LAPTM4B: variants seen among roughly 807,000 people sequenced by gnomAD.
LAPTM4B encodes the protein lysosomal protein transmembrane 4 beta.
In LAPTM4B, 26 loss-of-function variants were observed where a neutral mutation model predicts 28.5. That is an observed-to-expected ratio of 0.91 (90% CI 0.67 to 1.27). The LOEUF (loss-of-function observed/expected upper bound fraction) is 1.27, where lower values mean the gene tolerates loss of function less well. Ranked by LOEUF, LAPTM4B falls within the 50% of genes most tolerant of loss-of-function variation. The probability of loss-of-function intolerance (pLI) is 0.00; values close to 1 mark genes in which losing one functional copy is unlikely to be tolerated. For synonymous variants in LAPTM4B, 109 were observed against 106.4 expected, an observed-to-expected ratio of 1.02 and a Z score of -0.15; for missense variants, 288 against 285.8, an observed-to-expected ratio of 1.01 and a Z score of -0.06.
chr8:97,782,280 T>TA, intron 1 of LAPTM4B, among the ~76,000 whole-genome samples: 1 of 15,492 alleles, frequency 6.5e-5, no homozygotes, highest in Non-Finnish European at 1.6e-4. Flanking sequence ...CATGCCCAGC[T>TA]TTTTTTTTTT....
rs145007701 is a variant in LAPTM4B, at chr8:97,839,707, A to C, written c.604-11690A>C. On this transcript the variant is annotated intron_variant, in intron 6 of 6. Transcript: ENST00000521545. ...TGGATGTTTGAAACCTAAAGTTCTT[A>C]AAGCTCCAAACAAACCTAGTTTTCG... Among the ~76,000 whole-genome samples, 35 of 152,326 alleles carry C rather than the reference A, an allele frequency of 2.3e-4. No individual in the cohort carries two copies. The East Asian group carries it at 6.6e-3, about 29-fold the overall frequency.
intron 4 of LAPTM4B, among the ~76,000 whole-genome samples, chr8:97,818,473 C>T (rs1816956432): frequency 6.6e-6 from 1 of 152,160 alleles, no homozygotes; most frequent in Non-Finnish European, 1.5e-5. Flanking sequence ...TCCGGCAACT[C>T]CCTCTAACCA....
Position 97,776,420 on chromosome 8 carries a change from G to T in LAPTM4B, c.99+312G>T, listed in dbSNP as rs148416167. On this transcript the variant is annotated intron_variant, in intron 1 of 6. Coordinates refer to ENST00000521545, the MANE Select transcript of LAPTM4B (RefSeq NM_018407.6). ...GCAGCCCCGCGGCCTCGCGTAGGGCGCACCGGGGCAGACAAACTGAGCTTA... is the reference window on the plus strand; with the variant it reads ...GCAGCCCCGCGGCCTCGCGTAGGGCTCACCGGGGCAGACAAACTGAGCTTA... 2.4e-4 allele frequency among the ~76,000 whole-genome samples: 36 copies of T among 152,374 alleles called. No homozygotes were observed. The East Asian group carries it at 6.0e-3, about 25-fold the overall frequency.
intron 6 of LAPTM4B, among the ~76,000 whole-genome samples, chr8:97,847,967 A>G (rs1817456766): frequency 1.3e-5 from 2 of 152,240 alleles, no homozygotes; most frequent in Admixed American, 6.5e-5. Context: ...AAGACTATCA[A>G]GATATTAAAG....
chr8:97,810,582 C>G (rs1198918585), intron 2 of LAPTM4B, among the ~76,000 whole-genome samples: 1 of 152,162 alleles, frequency 6.6e-6, no homozygotes, highest in Non-Finnish European at 1.5e-5. Context: ...CCTAGAAGCT[C>G]AAAGAGTAAT....
intron 1 of LAPTM4B, among the ~76,000 whole-genome samples, chr8:97,784,280 G>A (rs1487253998): frequency 6.6e-6 from 1 of 152,156 alleles, no homozygotes; most frequent in East Asian, 1.9e-4. Flanking sequence ...TGGCAATTGT[G>A]TCATCTTTAT....
At chr8:97,812,372 A>G (rs897302016) in intron 2 of LAPTM4B, among the ~76,000 whole-genome samples, 2 of 151,518 alleles carry the variant, frequency 1.3e-5, no homozygotes, top group Admixed American at 6.6e-5. Context: ...GGCATGCACC[A>G]CCTTTTGTGT....
intron 6 of LAPTM4B, among the ~76,000 whole-genome samples, chr8:97,837,542 TTC>T (rs1005735701): frequency 1.3e-5 from 2 of 152,092 alleles, no homozygotes; most frequent in African/African-American, 4.8e-5. Context: ...GCATAATGAG[TTC>T]TGTTTTTTTT....
Position 97,851,634 on chromosome 8 carries a change from A to AT in LAPTM4B, c.*160_*161insT. The AT allele has an allele frequency of 1.6e-6, 1 of 634,888 alleles. No homozygotes were observed. The highest frequency in any genetic ancestry group is 2.8e-6 in the Non-Finnish European group (1 of 356,320). 39.3% of individuals were successfully genotyped at this position (634,888 alleles called of 1,614,324 possible). A position where few individuals can be genotyped will look rare whatever the true frequency, so the allele number is the denominator to read the frequency against. ...GTTAGATTGAAAACTGTAGTTTTCA[A>AT]CATATGCTTTGCTGGAACACTGTGA... On this transcript the variant is annotated 3_prime_UTR_variant, in exon 7 of 7. Coordinates refer to ENST00000521545, the MANE Select transcript of LAPTM4B (RefSeq NM_018407.6).
chr8:97,831,217 C>T (rs1237195636), intron 6 of LAPTM4B, among the ~76,000 whole-genome samples: 1 of 152,098 alleles, frequency 6.6e-6, no homozygotes, highest in Non-Finnish European at 1.5e-5. Context: ...GGACTGTTAC[C>T]AGATTGTACG....
rs1554594411 is a variant in LAPTM4B, at chr8:97,850,476, G to GTGTATGTGTGTGTGTGTGTA, written c.604-918_604-917insATGTGTGTGTGTGTGTATGT. 5.0e-3 allele frequency among the ~76,000 whole-genome samples: 733 copies of GTGTATGTGTGTGTGTGTGTA among 147,668 alleles called. 26 individuals carry two copies. Among genetic ancestry groups the GTGTATGTGTGTGTGTGTGTA allele is most frequent in the African/African-American group, 0.017 (672 of 39,080 alleles). ...AGCTGGAGAGGAGGGGTGTGTGTGT[G>GTGTATGTGTGTGTGTGTGTA]TGTGTGTGTGTGTTTGGGAGAGTGC... On this transcript the variant is annotated intron_variant, in intron 6 of 6. Coordinates refer to ENST00000521545, the MANE Select transcript of LAPTM4B (RefSeq NM_018407.6).
chr8:97,828,144 T>C (rs1817121958), intron 6 of LAPTM4B, among the ~76,000 whole-genome samples: 1 of 152,042 alleles, frequency 6.6e-6, no homozygotes. Context: ...ATATTAATAA[T>C]GGAAAAACAA....
rs569730047 is a variant in LAPTM4B at position 97,815,203 on chromosome 8, T to G, written c.212-125T>G. 9.8e-5 allele frequency: 69 copies of G among 704,262 alleles called. No individual in the cohort carries two copies. The African/African-American group carries it at 1.2e-3, about 12-fold the overall frequency. 43.6% of individuals were successfully genotyped at this position (704,262 alleles called of 1,614,324 possible). On this transcript the variant is annotated intron_variant, in intron 2 of 6. Coordinates refer to ENST00000521545, the MANE Select transcript of LAPTM4B (RefSeq NM_018407.6). ...TTTCTATTTTGAAATAATCTCTTAG[T>G]ATAAAGTATTTACTAACTTTATGCT...
intron 1 of LAPTM4B, among the ~76,000 whole-genome samples, chr8:97,790,305 T>C (rs1816478323): frequency 6.6e-6 from 1 of 151,570 alleles, no homozygotes; most frequent in Non-Finnish European, 1.5e-5. Context: ...TTCTCCATAG[T>C]GGTTGTATAA....
intron 5 of LAPTM4B, among the ~76,000 whole-genome samples, chr8:97,822,456 A>G (rs1187624262): frequency 6.6e-6 from 1 of 151,956 alleles, no homozygotes; most frequent in East Asian, 1.9e-4. Flanking sequence ...TTTCACTTGT[A>G]CTTATTTGAA....
chr8:97,824,254 A>G (rs566940309), intron 5 of LAPTM4B, among the ~76,000 whole-genome samples: 1 of 152,270 alleles, frequency 6.6e-6, no homozygotes, highest in Admixed American at 6.5e-5. Context: ...TAACCTTTCG[A>G]ACTGCCGGAC....
At chr8:97,823,356 GTT>G (rs72472850) in intron 5 of LAPTM4B, among the ~76,000 whole-genome samples, 55,121 of 131,652 alleles carry the variant, frequency 0.42, 11,989 homozygotes, top group Non-Finnish European at 0.48. Flanking sequence ...TTTTTTTTTT[GTT>G]TTTTTTTTGT....
intron 5 of LAPTM4B, among the ~76,000 whole-genome samples, chr8:97,820,294 T>A (rs1197092474): frequency 1.5e-5 from 2 of 135,690 alleles, no homozygotes; most frequent in Non-Finnish European, 3.2e-5. Context: ...TTATTTATTT[T>A]TCTTTCTTTC....
intron 6 of LAPTM4B, among the ~76,000 whole-genome samples, chr8:97,829,762 C>G (rs1817151353): frequency 1.3e-5 from 2 of 151,754 alleles, no homozygotes; most frequent in Admixed American, 1.3e-4. Context: ...CACAACCTCG[C>G]TCACTGCTGC....
Sources: gnomAD v4.1 joint callset for allele counts (sites outside exome capture counted in the v4.1 genomes callset) on GRCh38, gnomAD v4.1.1 for gene constraint, MANE v1.5 for transcripts, NCBI Gene and HGNC (gene_info 2026-07-23, HGNC 2026-07-21) for gene names.